Variants in ZC3H13 observed in about 807,000 individuals in gnomAD.
The protein encoded by ZC3H13 is zinc finger CCCH-type containing 13.
In ZC3H13, 64 loss-of-function variants were observed where a neutral mutation model predicts 204.1. That is an observed-to-expected ratio of 0.31 (90% CI 0.26 to 0.39). The LOEUF (loss-of-function observed/expected upper bound fraction) is 0.39. Ranked by LOEUF, ZC3H13 falls within the 10% of genes least tolerant of loss-of-function variation. ZC3H13 has a pLI of 1.00. For missense variants in ZC3H13, 1,833 were observed against 2,082.7 expected (o/e 0.88, Z 2.33); for synonymous variants, 667 against 693.7 (o/e 0.96, Z 0.60).
intron 4 of ZC3H13, among the ~76,000 whole-genome samples, chr13:46,026,242 C>A (rs1040146565): frequency 6.6e-6 from 1 of 151,932 alleles, no homozygotes; most frequent in Non-Finnish European, 1.5e-5. Flanking sequence ...ACCAAAATAA[C>A]ATCATCTCTA....
chr13:46,050,400 T>C (rs1359010469), intron 1 of ZC3H13, among the ~76,000 whole-genome samples: 1 of 152,166 alleles, frequency 6.6e-6, no homozygotes, highest in Admixed American at 6.5e-5. Context: ...TAATTAATTA[T>C]CTTTTCCAGG....
At chr13:45,970,779 T>C (rs139346424) in intron 12 of ZC3H13, among the ~76,000 whole-genome samples, 67 of 152,326 alleles carry the variant, frequency 4.4e-4, no homozygotes, top group Middle Eastern at 3.4e-3. Context: ...AATATATTAA[T>C]GTACCCTCTG....
chr13:46,032,379 AC>A (rs11354990), intron 4 of ZC3H13, among the ~76,000 whole-genome samples: 31,660 of 132,376 alleles, frequency 0.24, 4,095 homozygotes, highest in South Asian at 0.32. Context: ...AAAAAAAAAA[AC>A]AGAGAAAATG....
chr13:45,990,396 T>C (rs545645679), intron 8 of ZC3H13, among the ~76,000 whole-genome samples: 7 of 152,312 alleles, frequency 4.6e-5, no homozygotes, highest in Middle Eastern at 3.4e-3. Context: ...AGGAATGTGA[T>C]CTAATATATT....
chr13:46,052,401 T>C lies in ZC3H13; in HGVS notation c.-10+3A>G. On this transcript the variant is annotated splice_donor_region_variant and intron_variant, in intron 1 of 18. Coordinates refer to ENST00000679008, the MANE Select transcript of ZC3H13 (RefSeq NM_001330564.2). ...TACCCACACCAATTCACAGAACGCT[T>C]ACTTCCTCCCCAAGCTCCCTTCGCA... 2.5e-6 allele frequency: 1 copy of C among 396,920 alleles called. No homozygotes were observed. Among genetic ancestry groups the C allele is most frequent in the Non-Finnish European group, 4.4e-6 (1 of 225,572 alleles). The allele number at this position is 396,920 out of a possible 1,614,324, so 24.6% of individuals were successfully genotyped here.
chr13:45,968,007 T>C lies in ZC3H13; in HGVS notation c.3818A>G (p.His1273Arg), dbSNP rs1952238262. The change falls in exon 15 of 19, where the codon CAT becomes CGT. Residue 1273 changes from histidine (H) to arginine (R), a missense_variant. By Grantham distance (29) the His-to-Arg change is conservative. Transcript: ENST00000679008. ...CTCTGGAGAACTTCTTCTTGAACTA[T>C]GGCTTCTTGAATCCTGGCGATCTAA... ...TSSDRQDSRS[H>R]SSRRSSPESD... is the part of the protein sequence containing the mutation. 1 of 1,599,580 alleles carries C rather than the reference T, an allele frequency of 6.3e-7. No individual in the cohort carries two copies. Among genetic ancestry groups the C allele is most frequent in the Non-Finnish European group, 8.5e-7 (1 of 1,175,230 alleles).
intron 4 of ZC3H13, among the ~76,000 whole-genome samples, chr13:46,041,369 G>A (rs1051451834): frequency 1.3e-5 from 2 of 152,078 alleles, no homozygotes; most frequent in Admixed American, 1.3e-4. Flanking sequence ...AAATATATAG[G>A]CAAATCTCTA....
intron 8 of ZC3H13, among the ~76,000 whole-genome samples, chr13:45,992,618 G>A (rs2138325522): frequency 6.6e-6 from 1 of 152,270 alleles, no homozygotes; most frequent in East Asian, 1.9e-4. Flanking sequence ...TGCAACTTCT[G>A]ACATAACTGG....
intron 5 of ZC3H13, among the ~76,000 whole-genome samples, chr13:46,018,243 G>A (rs2042027474): frequency 6.6e-6 from 1 of 152,080 alleles, no homozygotes. Context: ...GCAATGAGGA[G>A]GTCATTAGTG....
In ZC3H13 at chr13:46,052,724, A is replaced by C; in HGVS notation, c.-330T>G. 3 of 396,802 alleles carry C rather than the reference A, an allele frequency of 7.6e-6. No individual in the cohort carries two copies. The highest frequency in any genetic ancestry group is 1.3e-5 in the Non-Finnish European group (3 of 225,002). The allele number at this position is 396,802 out of a possible 1,614,324, so 24.6% of individuals were successfully genotyped here. A position where few individuals can be genotyped will look rare whatever the true frequency, so the allele number is the denominator to read the frequency against. The stretch of plus-strand genomic sequence containing the variant: ...AGGCCGCTAGGAGGACCGCCTCAAA[A>C]TGCCGCCGGAAGTCAGAGGTTTGCC... On this transcript the variant is annotated 5_prime_UTR_variant, in exon 1 of 19. Transcript: ENST00000679008.
chr13:45,972,739 G>C (rs1200049460), intron 12 of ZC3H13, among the ~76,000 whole-genome samples: 1 of 152,100 alleles, frequency 6.6e-6, no homozygotes, highest in Non-Finnish European at 1.5e-5. Context: ...TCAATAACTG[G>C]CCTATTTCCC....
intron 1 of ZC3H13, among the ~76,000 whole-genome samples, chr13:46,046,207 T>A (rs2043943261): frequency 6.6e-6 from 1 of 152,192 alleles, no homozygotes; most frequent in Non-Finnish European, 1.5e-5. Flanking sequence ...GTCGAGGTGT[T>A]TCTATAATCT....
Position 45,956,143 on chromosome 13 carries a change from GT to G in ZC3H13, c.*983del, listed in dbSNP as rs1245934249. Reference sequence around the variant, plus strand: ...GTTTTACATAGTACAGCTGGAGGCAGTTTAATATAATCAAAAGTTATAGCTC... The same window carrying G: ...GTTTTACATAGTACAGCTGGAGGCAGTTAATATAATCAAAAGTTATAGCTC... On this transcript the variant is annotated 3_prime_UTR_variant, in exon 19 of 19. Coordinates refer to ENST00000679008, the MANE Select transcript of ZC3H13 (RefSeq NM_001330564.2). 1 of 152,224 alleles carries G rather than the reference GT, an allele frequency of 6.6e-6. No individual in the cohort carries two copies. The highest frequency in any genetic ancestry group is 1.9e-4 in the East Asian group (1 of 5,186). The allele number at this position is 152,224 out of a possible 1,614,324, so 9.4% of individuals were successfully genotyped here. A position where few individuals can be genotyped will look rare whatever the true frequency, so the allele number is the denominator to read the frequency against.
intron 4 of ZC3H13, among the ~76,000 whole-genome samples, chr13:46,030,603 T>C (rs2042832831): frequency 6.6e-6 from 1 of 151,950 alleles, no homozygotes; most frequent in Non-Finnish European, 1.5e-5. Flanking sequence ...GACAAATAGA[T>C]TAGTTCAGGT....
chr13:46,022,924 GT>G (rs2042305762), intron 4 of ZC3H13, among the ~76,000 whole-genome samples: 1 of 151,998 alleles, frequency 6.6e-6, no homozygotes, highest in Non-Finnish European at 1.5e-5. Flanking sequence ...AATGTTTGAA[GT>G]TTTTTGAATT....
At chr13:46,047,296 T>A (rs1320288470) in intron 1 of ZC3H13, among the ~76,000 whole-genome samples, 2 of 152,178 alleles carry the variant, frequency 1.3e-5, no homozygotes, top group African/African-American at 4.8e-5. Flanking sequence ...ATATAAAATG[T>A]AATAATTCTT....
chr13:45,968,285 T>G (rs1004048094), intron 14 of ZC3H13, among the ~76,000 whole-genome samples: 7 of 152,088 alleles, frequency 4.6e-5, no homozygotes, highest in Non-Finnish European at 1.0e-4. Context: ...AAAAAAAGTT[T>G]CCTTGTCTAT....
At position 45,967,649 on chromosome 13, in the gene ZC3H13, T is replaced by C; in HGVS notation, c.4176A>G (p.Ala1392=). The C allele has an allele frequency of 3.7e-6, 6 of 1,614,178 alleles. No individual in the cohort carries two copies. The highest frequency in any genetic ancestry group is 5.1e-6 in the Non-Finnish European group (6 of 1,180,008). The change falls in exon 15 of 19, where the codon GCA becomes GCG. Residue 1392 remains alanine, a synonymous_variant. Transcript: ENST00000679008. ...SQIESVKRCE[A]KLEGEHERDL... ...CCCTTTCATGTTCACCTTCCAGTTT[T>C]GCTTCACAGCGTTTCACAGACTCTA... is the stretch of plus-strand genomic sequence containing the variant.
intron 4 of ZC3H13, among the ~76,000 whole-genome samples, chr13:46,025,501 G>A (rs776170309): frequency 1.2e-4 from 18 of 152,084 alleles, no homozygotes; most frequent in Non-Finnish European, 2.2e-4. Flanking sequence ...GTAGAGACAG[G>A]GTCTCTCTAT....
Sources: gnomAD v4.1 joint callset for allele counts (sites outside exome capture counted in the v4.1 genomes callset) on GRCh38, gnomAD v4.1.1 for gene constraint, MANE v1.5 for transcripts, NCBI Gene and HGNC (gene_info 2026-07-23, HGNC 2026-07-21) for gene names.